Variants in CIRSR observed in about 807,000 individuals in gnomAD.
CIRSR encodes the protein corepressor of RBPJ and splicing regulator.
chr2:174,372,773 G>C, the CIRSR span, among the ~76,000 whole-genome samples: 8 of 152,086 alleles, frequency 5.3e-5, no homozygotes, highest in East Asian at 1.5e-3. Context: ...GTAGAGACAG[G>C]GTTTCTCAGT....
the CIRSR span, among the ~76,000 whole-genome samples, chr2:174,383,201 A>C: frequency 6.6e-6 from 1 of 152,220 alleles, no homozygotes; most frequent in African/African-American, 2.4e-5. Context: ...AGGTAAATCT[A>C]TAGAGACAGC....
At chr2:174,362,636 G>A in the CIRSR span, among the ~76,000 whole-genome samples, 2 of 134,666 alleles carry the variant, frequency 1.5e-5, no homozygotes, top group Non-Finnish European at 3.0e-5. Context: ...GCAGTGAGCC[G>A]AGATCACGCC....
chr2:174,390,089 A>T, the CIRSR span, among the ~76,000 whole-genome samples: 4 of 152,190 alleles, frequency 2.6e-5, no homozygotes, highest in Non-Finnish European at 2.9e-5. Context: ...TGGAGCTGCG[A>T]GAAGAGGGCC....
the CIRSR span, chr2:174,387,454 CAA>C: frequency 2.8e-6 from 1 of 363,356 alleles, no homozygotes; most frequent in Non-Finnish European, 4.9e-6. Context: ...GAGACTTGCT[CAA>C]AGACTGTATA....
the CIRSR span, chr2:174,348,446 T>C: frequency 6.5e-7 from 1 of 1,532,800 alleles, no homozygotes; most frequent in South Asian, 1.3e-5. Context: ...AGTGGAGATA[T>C]TTTTATTCCC....
At chr2:174,390,075 C>G in the CIRSR span, among the ~76,000 whole-genome samples, 1 of 152,166 alleles carries the variant, frequency 6.6e-6, no homozygotes, top group Non-Finnish European at 1.5e-5. Flanking sequence ...GGGGTACTGC[C>G]TAGTGGAGCT....
At chr2:174,367,745 T>TAA in the CIRSR span, among the ~76,000 whole-genome samples, 1,195 of 70,732 alleles carry the variant, frequency 0.017, 51 homozygotes, top group African/African-American at 0.061. Context: ...TGCTGTCTCT[T>TAA]AAAAAAAAAA....
the CIRSR span, chr2:174,349,112 C>T: frequency 1.3e-6 from 2 of 1,510,638 alleles, no homozygotes; most frequent in Non-Finnish European, 1.8e-6. Flanking sequence ...TTCTGCTCTT[C>T]TGAAACTTTT....
the CIRSR span, among the ~76,000 whole-genome samples, chr2:174,366,472 G>T: frequency 6.6e-6 from 1 of 152,040 alleles, no homozygotes; most frequent in South Asian, 2.1e-4. Flanking sequence ...AAGTGAAGAA[G>T]AAATAAAGAC....
chr2:174,381,662 A>G, the CIRSR span: 1 of 1,513,414 alleles, frequency 6.6e-7, no homozygotes, highest in Admixed American at 2.0e-5. Context: ...GCCTCAGAAA[A>G]AAAAAAAAGA....
At chr2:174,374,734 T>C in the CIRSR span, among the ~76,000 whole-genome samples, 1 of 152,202 alleles carries the variant, frequency 6.6e-6, no homozygotes. Flanking sequence ...GCTAAGTACA[T>C]GGCTTCTCAG....
the CIRSR span, among the ~76,000 whole-genome samples, chr2:174,381,265 G>C: frequency 6.6e-6 from 1 of 152,038 alleles, no homozygotes; most frequent in African/African-American, 2.4e-5. Context: ...ATCTTCACAG[G>C]ATAACAGCAA....
the CIRSR span, among the ~76,000 whole-genome samples, chr2:174,377,834 A>AC: frequency 2.6e-5 from 4 of 151,500 alleles, no homozygotes; most frequent in South Asian, 2.1e-4. Context: ...CAAAAAAAAA[A>AC]AAAAAAAAAA....
the CIRSR span, among the ~76,000 whole-genome samples, chr2:174,354,767 TA>T: frequency 1.3e-4 from 9 of 69,214 alleles, 1 homozygote; most frequent in African/African-American, 1.6e-4. Context: ...TATATATATA[TA>T]TATTTTTTTT....
At chr2:174,383,849 C>CAAAAAA in the CIRSR span, among the ~76,000 whole-genome samples, 9 of 121,462 alleles carry the variant, frequency 7.4e-5, no homozygotes, top group Non-Finnish European at 1.2e-4. Context: ...AGCTATCTTC[C>CAAAAAA]AAAAAAAAAA....
At chr2:174,377,048 T>G in the CIRSR span, among the ~76,000 whole-genome samples, 2 of 152,116 alleles carry the variant, frequency 1.3e-5, 1 homozygote, top group Non-Finnish European at 2.9e-5. Flanking sequence ...CTGGAGTCTA[T>G]ACTACTCAGG....
At chr2:174,387,602 A>T in the CIRSR span, 5 of 1,428,674 alleles carry the variant, frequency 3.5e-6, no homozygotes, top group Non-Finnish European at 4.7e-6. Context: ...ATTCCAAAAA[A>T]CTGACTTAAT....
chr2:174,381,799 T>C, the CIRSR span: 2 of 1,511,726 alleles, frequency 1.3e-6, no homozygotes, highest in South Asian at 1.3e-5. Context: ...AAGACAAAGT[T>C]AACGATTTTA....
chr2:174,392,842 G>C, the CIRSR span, among the ~76,000 whole-genome samples: 1 of 152,206 alleles, frequency 6.6e-6, no homozygotes, highest in Non-Finnish European at 1.5e-5. Context: ...AGATGCAAAT[G>C]TCTAGTAGAT....
Sources: allele counts gnomAD v4.1 joint callset (sites outside exome capture counted in the v4.1 genomes callset), GRCh38; gene constraint gnomAD v4.1.1; transcripts MANE v1.5; gene names NCBI Gene and HGNC (gene_info 2026-07-23, HGNC 2026-07-21).